TMEM63C: variants seen among roughly 807,000 people sequenced by gnomAD.
TMEM63C encodes the protein osmosensitive cation channel TMEM63C.
Under a neutral mutation model 99.2 loss-of-function variants are expected in TMEM63C, and 32 were observed. That is an observed-to-expected ratio of 0.32 (90% CI 0.24 to 0.43). The LOEUF is 0.43. Among genes scored for constraint, TMEM63C ranks in the 20% least tolerant of loss-of-function variants. The pLI is 1.00. For missense variants in TMEM63C, 826 were observed against 1,053.0 expected, an observed-to-expected ratio of 0.78 and a Z score of 2.98; for synonymous variants, 376 against 397.9, an observed-to-expected ratio of 0.94 and a Z score of 0.66.
At chr14:77,239,576 C>G in intron 11 of TMEM63C, 27 bp from the exon 12 acceptor site, 1 of 1,613,086 alleles carries the variant, frequency 6.2e-7, no homozygotes, top group Non-Finnish European at 8.5e-7. Context: ...ACCTGCAGGT[C>G]CTTCTCCTGT....
intron 8 of TMEM63C, among the ~76,000 whole-genome samples, chr14:77,234,375 C>G (rs1314861329): frequency 9.2e-5 from 14 of 152,236 alleles, no homozygotes; most frequent in Non-Finnish European, 2.1e-4. Flanking sequence ...TGACCATATC[C>G]TCCCCTGAGG....
At chr14:77,243,589 T>C (rs1468789988) in intron 15 of TMEM63C, among the ~76,000 whole-genome samples, 2 of 152,100 alleles carry the variant, frequency 1.3e-5, no homozygotes, top group Non-Finnish European at 2.9e-5. Flanking sequence ...CTGGGAGCCC[T>C]CAGCCCTGGA....
At chr14:77,186,776 G>GGGGTGTGTGT (rs1374329494) in intron 1 of TMEM63C, among the ~76,000 whole-genome samples, 9 of 138,438 alleles carry the variant, frequency 6.5e-5, no homozygotes, top group Admixed American at 4.4e-4. Flanking sequence ...GAACCAAAGG[G>GGGGTGTGTGT]GTGTGTGTGT....
chr14:77,183,009 C>A (rs1203613149), intron 1 of TMEM63C, among the ~76,000 whole-genome samples: 1 of 152,198 alleles, frequency 6.6e-6, no homozygotes, highest in African/African-American at 2.4e-5. Context: ...GCCCCTGTCC[C>A]TGGGAGAAAT....
At chr14:77,192,738 C>G (rs1888131222) in intron 1 of TMEM63C, among the ~76,000 whole-genome samples, 1 of 151,630 alleles carries the variant, frequency 6.6e-6, no homozygotes, top group East Asian at 1.9e-4. Context: ...GTACTCCAGC[C>G]TGGGCAACAG....
At chr14:77,249,949 T>C (rs1021920950) in intron 21 of TMEM63C, among the ~76,000 whole-genome samples, 2 of 152,220 alleles carry the variant, frequency 1.3e-5, no homozygotes, top group African/African-American at 4.8e-5. Flanking sequence ...ATTCTGCCAC[T>C]TCCCCCTCCC....
intron 1 of TMEM63C, among the ~76,000 whole-genome samples, chr14:77,183,253 C>T (rs112460207): frequency 6.6e-6 from 1 of 152,188 alleles, no homozygotes; most frequent in Non-Finnish European, 1.5e-5. Context: ...AAAGGGCAGA[C>T]TGGAGGGGCC....
In TMEM63C at chr14:77,219,478, T is replaced by C. The variant is rs369217390; in HGVS notation, c.151-20T>C. 2.5e-6 allele frequency: 4 copies of C among 1,613,554 alleles called. No homozygotes were observed. The highest frequency in any genetic ancestry group is 1.1e-5 in the South Asian group (1 of 91,092). On this transcript the variant is annotated intron_variant, in intron 3 of 23. Coordinates refer to ENST00000298351, the MANE Select transcript of TMEM63C (RefSeq NM_020431.4). Reference sequence around the variant, plus strand: ...GATCCATGAAGTCTCCCACCCCACATTGCTTTTCCTGGCCTGTAGCTCGTC... The same window carrying C: ...GATCCATGAAGTCTCCCACCCCACACTGCTTTTCCTGGCCTGTAGCTCGTC...
chr14:77,243,437 G>T (rs1027995494), intron 15 of TMEM63C, among the ~76,000 whole-genome samples: 2 of 152,130 alleles, frequency 1.3e-5, no homozygotes, highest in South Asian at 4.1e-4. Context: ...TCTGCAAGTT[G>T]TCCGAGGCAG....
At chr14:77,205,196 T>A (rs1888374510) in intron 1 of TMEM63C, among the ~76,000 whole-genome samples, 1 of 152,018 alleles carries the variant, frequency 6.6e-6, no homozygotes, top group African/African-American at 2.4e-5. Flanking sequence ...AGGGGGAAGT[T>A]TGACATGATG....
intron 1 of TMEM63C, among the ~76,000 whole-genome samples, chr14:77,209,710 CT>C (rs1312799618): frequency 1.3e-5 from 2 of 152,158 alleles, no homozygotes; most frequent in African/African-American, 2.4e-5. Context: ...GCTTTAAATG[CT>C]GATGAGACCA....
intron 1 of TMEM63C, among the ~76,000 whole-genome samples, chr14:77,189,565 C>G (rs1369931508): frequency 6.6e-6 from 1 of 152,230 alleles, no homozygotes; most frequent in African/African-American, 2.4e-5. Flanking sequence ...GGAAGGACTT[C>G]TAACTTGTCA....
chr14:77,238,579 G>C (rs532213902), intron 9 of TMEM63C, 115 bp from the exon 10 acceptor site: 267 of 785,204 alleles, frequency 3.4e-4, no homozygotes, highest in Middle Eastern at 9.3e-4. Context: ...GGAGGCACTG[G>C]CATCAGCAGC....
In TMEM63C at chr14:77,259,303, C is replaced by T. The variant is rs577400068; in HGVS notation, c.*2577C>T. 6.6e-6 allele frequency: 1 copy of T among 152,632 alleles called. No homozygotes were observed. The highest frequency in any genetic ancestry group is 2.1e-4 in the South Asian group (1 of 4,842). The allele number at this position is 152,632 out of a possible 1,614,324, so 9.5% of individuals were successfully genotyped here. The stretch of plus-strand genomic sequence containing the variant: ...CCTCAGGCCTCCAGTGGCCCCATGC[C>T]CACCTGCCTGACCCTCCACTGCCCC... On this transcript the variant is annotated 3_prime_UTR_variant, in exon 24 of 24. Coordinates refer to ENST00000298351, the MANE Select transcript of TMEM63C (RefSeq NM_020431.4).
chr14:77,237,027 C>T (rs1290391704), intron 9 of TMEM63C, among the ~76,000 whole-genome samples: 3 of 117,516 alleles, frequency 2.6e-5, no homozygotes, highest in Admixed American at 1.6e-4. Context: ...TCTCACGCTC[C>T]TCCACCCTCT....
intron 1 of TMEM63C, among the ~76,000 whole-genome samples, chr14:77,205,229 C>T (rs560433630): frequency 1.1e-4 from 16 of 152,286 alleles, no homozygotes; most frequent in African/African-American, 3.1e-4. Context: ...TAGGCAGGGC[C>T]CCACACCCAG....
chr14:77,202,827 A>G (rs762897545), intron 1 of TMEM63C, among the ~76,000 whole-genome samples: 39 of 14,446 alleles, frequency 2.7e-3, no homozygotes, highest in East Asian at 9.3e-3. Flanking sequence ...AGGCAGGCGC[A>G]CACACACACA....
chr14:77,259,087 T>G lies in TMEM63C; in HGVS notation c.*2361T>G, dbSNP rs1444379411. 3 of 152,722 alleles carry G rather than the reference T, an allele frequency of 2.0e-5. No individual in the cohort carries two copies. Among genetic ancestry groups the G allele is most frequent in the Non-Finnish European group, 2.9e-5 (2 of 68,902 alleles). 9.5% of individuals were successfully genotyped at this position (152,722 alleles called of 1,614,324 possible). A position where few individuals can be genotyped will look rare whatever the true frequency, so the allele number is the denominator to read the frequency against. On this transcript the variant is annotated 3_prime_UTR_variant, in exon 24 of 24. Transcript: ENST00000298351. The stretch of plus-strand genomic sequence containing the variant: ...CCACATCCAGGCCCTCTCAGGCACC[T>G]CCTGCCTCAGCCCACACCTGCCTCA...
intron 13 of TMEM63C, among the ~76,000 whole-genome samples, chr14:77,241,692 C>T (rs1186534913): frequency 1.3e-5 from 2 of 152,216 alleles, no homozygotes; most frequent in African/African-American, 4.8e-5. Flanking sequence ...TCCTGTTCAC[C>T]TCCCGGAGGG....
Sources: allele counts gnomAD v4.1 joint callset (sites outside exome capture counted in the v4.1 genomes callset), GRCh38; gene constraint gnomAD v4.1.1; transcripts MANE v1.5; gene names NCBI Gene and HGNC (gene_info 2026-07-23, HGNC 2026-07-21).